Variants in ELMO2 observed in about 807,000 individuals in gnomAD.
The protein encoded by ELMO2 is engulfment and cell motility 2, also known as engulfment and cell motility protein 2.
In ELMO2, 37 loss-of-function variants were observed where a neutral mutation model predicts 96.2. That is an observed-to-expected ratio of 0.38 (90% CI 0.30 to 0.51). ELMO2 has a LOEUF of 0.51. Among genes scored for constraint, ELMO2 ranks in the 20% least tolerant of loss-of-function variants. The probability of loss-of-function intolerance (pLI) is 0.88; values close to 1 mark genes in which losing one functional copy is unlikely to be tolerated. For missense variants in ELMO2, 561 were observed against 912.6 expected, an observed-to-expected ratio of 0.61 and a Z score of 4.96; for synonymous variants, 315 against 329.4, an observed-to-expected ratio of 0.96 and a Z score of 0.47.
chr20:46,370,620 T>A (rs769907768), intron 19 of ELMO2, 95 bp from the exon 20 acceptor site: 10 of 1,193,582 alleles, frequency 8.4e-6, no homozygotes, highest in Non-Finnish European at 1.2e-5. Context: ...GGCAGATGCA[T>A]AGGAAGCCTC....
intron 6 of ELMO2, among the ~76,000 whole-genome samples, chr20:46,392,175 GAC>G (rs2060162095): frequency 6.6e-6 from 1 of 152,058 alleles, no homozygotes; most frequent in African/African-American, 2.4e-5. Flanking sequence ...CCTCAGTCCT[GAC>G]ACTCTCCCTG....
At position 46,388,592 on chromosome 20, in the gene ELMO2, C is replaced by CGTGTGT. The variant is rs3079791; in HGVS notation, c.425+441_425+446dup. 1.2e-4 allele frequency among the ~76,000 whole-genome samples: 18 copies of CGTGTGT among 148,122 alleles called. No homozygotes were observed. In the East Asian group the frequency reaches 3.2e-3, roughly 26 times the overall value. On this transcript the variant is annotated intron_variant, in intron 7 of 21. Coordinates refer to ENST00000290246, the MANE Select transcript of ELMO2 (RefSeq NM_133171.5). ...CACCTGTGGTAAACACAAAGGAAGG[C>CGTGTGT]GTGTGTGTGTGTGTGTGTGTGTGTG...
intron 2 of ELMO2, among the ~76,000 whole-genome samples, chr20:46,397,216 T>A (rs1340282416): frequency 6.6e-6 from 1 of 152,212 alleles, no homozygotes; most frequent in African/African-American, 2.4e-5. Flanking sequence ...ATTTGAAAGA[T>A]ATTAATAAGC....
rs111512341 is a variant in ELMO2 at position 46,375,205 on chromosome 20, C to T, written c.1065+31G>A. 6.2e-7 allele frequency: 1 copy of T among 1,605,662 alleles called. No individual in the cohort carries two copies. Among genetic ancestry groups the T allele is most frequent in the Non-Finnish European group, 8.5e-7 (1 of 1,176,804 alleles). On this transcript the variant is annotated intron_variant, in intron 13 of 21. Transcript: ENST00000290246. The surrounding 1 kb of genome is among the most constrained non-coding windows in gnomAD (Gnocchi z 4.6). The stretch of plus-strand genomic sequence containing the variant: ...ATTGACTTCCCATCAGGGGAGAGGG[C>T]CTACCACCGTCTATGCTCTGAGGTA...
rs926280664 is a variant in ELMO2 at position 46,371,732 on chromosome 20, G to A, written c.1581-41C>T. ...ACTGGAGTGAGCGGAAGGTCATGGG[G>A]ACAGTGGAGCTCTGGAAGGAAAGCA... On this transcript the variant is annotated intron_variant, in intron 17 of 21. Transcript: ENST00000290246. The surrounding 1 kb of genome is among the most constrained non-coding windows in gnomAD (Gnocchi z 5.9). 1 of 1,613,876 alleles carries A rather than the reference G, an allele frequency of 6.2e-7. No homozygotes were observed. Among genetic ancestry groups the A allele is most frequent in the Non-Finnish European group, 8.5e-7 (1 of 1,179,878 alleles).
chr20:46,397,754 GATC>G (rs2060271138), intron 2 of ELMO2, among the ~76,000 whole-genome samples: 1 of 152,142 alleles, frequency 6.6e-6, no homozygotes, highest in South Asian at 2.1e-4. Context: ...GGAGAAGTAA[GATC>G]ATAGTAAGCT....
intron 1 of ELMO2, among the ~76,000 whole-genome samples, chr20:46,403,170 G>A (rs1313413396): frequency 6.6e-6 from 1 of 152,224 alleles, no homozygotes; most frequent in Admixed American, 6.5e-5. Context: ...TACCTGCTAG[G>A]CAGGTATGTT....
intron 2 of ELMO2, among the ~76,000 whole-genome samples, chr20:46,395,057 G>A (rs758656632): frequency 1.3e-5 from 2 of 152,146 alleles, no homozygotes; most frequent in African/African-American, 2.4e-5. Context: ...ACAATGCAAA[G>A]CCTCCTCTGT....
intron 10 of ELMO2, among the ~76,000 whole-genome samples, chr20:46,381,621 A>G (rs1426251116): frequency 6.6e-6 from 1 of 152,144 alleles, no homozygotes; most frequent in East Asian, 1.9e-4. Context: ...GACAACTCAT[A>G]AGGTGGGTAA....
chr20:46,403,671 C>G (rs2060372530), intron 1 of ELMO2, among the ~76,000 whole-genome samples: 1 of 152,214 alleles, frequency 6.6e-6, no homozygotes, highest in Admixed American at 6.5e-5. Flanking sequence ...CCAGTCTTGT[C>G]TTTCCAAGTA....
chr20:46,383,834 A>C (rs1304178176), intron 9 of ELMO2, among the ~76,000 whole-genome samples: 2 of 152,214 alleles, frequency 1.3e-5, no homozygotes, highest in African/African-American at 4.8e-5. Context: ...TTTTAGGGTA[A>C]AGATTCTTAA....
chr20:46,369,146 C>T, intron 20 of ELMO2, 178 bp from the exon 21 acceptor site: 1 of 570,180 alleles, frequency 1.8e-6, no homozygotes, highest in Non-Finnish European at 3.1e-6. Flanking sequence ...CATAAATCAA[C>T]CTTAACTTAC....
chr20:46,398,029 T>C (rs1177904859), intron 2 of ELMO2, among the ~76,000 whole-genome samples: 1 of 152,238 alleles, frequency 6.6e-6, no homozygotes, highest in African/African-American at 2.4e-5. Flanking sequence ...AGCTAGTCTA[T>C]GTTTCTACTC....
At chr20:46,396,508 A>G (rs1271469697) in intron 2 of ELMO2, among the ~76,000 whole-genome samples, 2 of 152,160 alleles carry the variant, frequency 1.3e-5, no homozygotes, top group African/African-American at 2.4e-5. Flanking sequence ...ACCCTAGAAA[A>G]TTACTTCATA....
At chr20:46,396,623 C>T (rs779580356) in intron 2 of ELMO2, among the ~76,000 whole-genome samples, 59 of 152,234 alleles carry the variant, frequency 3.9e-4, no homozygotes, top group Non-Finnish European at 6.0e-4. Flanking sequence ...TGGAACTATA[C>T]GATATGACTT....
chr20:46,385,758 C>G (rs576024949), intron 9 of ELMO2, among the ~76,000 whole-genome samples: 1 of 152,262 alleles, frequency 6.6e-6, no homozygotes, highest in Admixed American at 6.5e-5. Context: ...GCTCTATGTT[C>G]AAAATGGGCA....
In ELMO2 at chr20:46,373,043, T is replaced by C. The variant is rs80170520; in HGVS notation, c.1416+356A>G. The C allele has an allele frequency of 2.1e-3, 436 of 212,672 alleles. 10 individuals carry two copies. In the East Asian group the frequency reaches 0.051, roughly 25 times the overall value. The allele number at this position is 212,672 out of a possible 1,614,324, so 13.2% of individuals were successfully genotyped here. A position where few individuals can be genotyped will look rare whatever the true frequency, so the allele number is the denominator to read the frequency against. On this transcript the variant is annotated intron_variant, in intron 16 of 21. Transcript: ENST00000290246. ...CACATCATGCCAGTCCACTCTTCTC[T>C]CCTAACCTTCCCAGTTCACAAAACT...
intron 15 of ELMO2, 56 bp from the exon 16 acceptor site, chr20:46,373,591 A>G: frequency 6.3e-7 from 1 of 1,591,034 alleles, no homozygotes; most frequent in Non-Finnish European, 8.6e-7. Flanking sequence ...AGGGCCTGGG[A>G]GCTCATGTCT....
chr20:46,404,238 C>T lies in ELMO2; in HGVS notation c.-126+2310G>A, dbSNP rs138881211. On this transcript the variant is annotated intron_variant, in intron 1 of 21. Coordinates refer to ENST00000290246, the MANE Select transcript of ELMO2 (RefSeq NM_133171.5). Reference sequence around the variant, plus strand: ...TATGGTGACCAGGTCAAAGGACTTGCCTTGCAGGGTTTTCTTCAACTGCAT... The same window carrying T: ...TATGGTGACCAGGTCAAAGGACTTGTCTTGCAGGGTTTTCTTCAACTGCAT... 1.5e-4 allele frequency among the ~76,000 whole-genome samples: 23 copies of T among 152,306 alleles called. No homozygotes were observed. The East Asian group carries it at 4.1e-3, about 27-fold the overall frequency.
Sources: allele counts gnomAD v4.1 joint callset (sites outside exome capture counted in the v4.1 genomes callset), GRCh38; gene constraint gnomAD v4.1.1; non-coding constraint Gnocchi (gnomAD v3.1); transcripts MANE v1.5; gene names NCBI Gene and HGNC (gene_info 2026-07-23, HGNC 2026-07-21).